The following TTC28 variants were observed in gnomAD, a reference collection of about 807,000 sequenced individuals.
TTC28 encodes the protein tetratricopeptide repeat domain 28.
Under a neutral mutation model 198.0 loss-of-function variants are expected in TTC28, and 61 were observed. That is an observed-to-expected ratio of 0.31 (90% CI 0.25 to 0.38). The LOEUF (loss-of-function observed/expected upper bound fraction) is 0.38. Ranked by LOEUF, TTC28 falls within the 10% of genes least tolerant of loss-of-function variation. The pLI, the probability that TTC28 is intolerant of heterozygous loss-of-function variation, is 1.00. For missense variants in TTC28, 2,678 were observed against 3,164.0 expected, an observed-to-expected ratio of 0.85 and a Z score of 3.69; for synonymous variants, 1,171 against 1,297.8, an observed-to-expected ratio of 0.90 and a Z score of 2.10.
chr22:28,484,729 CA>C (rs750196490), intron 2 of TTC28, among the ~76,000 whole-genome samples: 3 of 152,128 alleles, frequency 2.0e-5, no homozygotes, highest in Non-Finnish European at 4.4e-5. Flanking sequence ...CCTAGAATGA[CA>C]AAACTACACA....
At chr22:28,011,181 T>A (rs1003656113) in intron 14 of TTC28, among the ~76,000 whole-genome samples, 1 of 152,216 alleles carries the variant, frequency 6.6e-6, no homozygotes. Flanking sequence ...ATCTGTAGAT[T>A]ATTTATAATC....
chr22:28,506,569 C>T (rs938449709), intron 2 of TTC28, among the ~76,000 whole-genome samples: 2 of 152,250 alleles, frequency 1.3e-5, no homozygotes, highest in East Asian at 1.9e-4. Context: ...AGCCAGACTG[C>T]TTCTTTAAGC....
chr22:28,447,265 G>A (rs1428105839), intron 2 of TTC28, among the ~76,000 whole-genome samples: 4 of 152,102 alleles, frequency 2.6e-5, no homozygotes, highest in African/African-American at 9.7e-5. Flanking sequence ...AGGGAATTGT[G>A]AGGATTGTAA....
intron 1 of TTC28, among the ~76,000 whole-genome samples, chr22:28,641,562 G>C (rs191013964): frequency 6.6e-6 from 1 of 152,236 alleles, no homozygotes; most frequent in East Asian, 1.9e-4. Context: ...TTGAGAGCGA[G>C]GAAAATGTTC....
chr22:28,193,313 T>A (rs1223314778), intron 5 of TTC28, among the ~76,000 whole-genome samples: 3 of 152,068 alleles, frequency 2.0e-5, no homozygotes, highest in Non-Finnish European at 4.4e-5. Flanking sequence ...GAACAACCGG[T>A]ACCAACCACT....
intron 12 of TTC28, among the ~76,000 whole-genome samples, chr22:28,066,988 C>T (rs1291518853): frequency 6.6e-6 from 1 of 152,098 alleles, no homozygotes; most frequent in Non-Finnish European, 1.5e-5. Context: ...CTCCAGGAAG[C>T]CTCTCCTGAC....
At chr22:28,394,289 T>C (rs1569302580) in intron 2 of TTC28, among the ~76,000 whole-genome samples, 1 of 152,214 alleles carries the variant, frequency 6.6e-6, no homozygotes, top group Non-Finnish European at 1.5e-5. Flanking sequence ...AGTATCATGT[T>C]TTATTAAATA....
chr22:28,452,559 T>G (rs987267869), intron 2 of TTC28, among the ~76,000 whole-genome samples: 25 of 152,102 alleles, frequency 1.6e-4, no homozygotes, highest in African/African-American at 6.0e-4. Context: ...GGCCCTCTAA[T>G]AACTTGTTGC....
chr22:28,593,524 G>T (rs772381457), intron 2 of TTC28, among the ~76,000 whole-genome samples: 22 of 151,952 alleles, frequency 1.4e-4, no homozygotes, highest in Non-Finnish European at 2.5e-4. Flanking sequence ...TAAGTAGGTG[G>T]ATCGATCAAT....
At position 28,297,830 on chromosome 22, in the gene TTC28, C is replaced by T. The variant is rs1418395688; in HGVS notation, c.552G>A (p.Gln184=). The T allele has an allele frequency of 6.4e-7, 1 of 1,551,354 alleles. No homozygotes were observed. The highest frequency in any genetic ancestry group is 1.4e-5 in the African/African-American group (1 of 73,014). ...PMRDSLEPTY[Q]QLQKMKLDKS... ...TGTCCAGTTTCATTTTCTGAAGCTGCTGATAAGTGGGCTCGAGGGAGTCTG... is the reference window on the plus strand; with the variant it reads ...TGTCCAGTTTCATTTTCTGAAGCTGTTGATAAGTGGGCTCGAGGGAGTCTG... Residue 184 remains glutamine (Q), a synonymous_variant, in exon 4 of 23, where the codon CAG becomes CAA. Coordinates refer to ENST00000397906, the MANE Select transcript of TTC28 (RefSeq NM_001145418.2).
At chr22:27,984,902 TC>T (rs1167413449) in intron 22 of TTC28, among the ~76,000 whole-genome samples, 1 of 152,094 alleles carries the variant, frequency 6.6e-6, no homozygotes, top group Non-Finnish European at 1.5e-5. Context: ...GGCCTGGAAA[TC>T]TCCCAGGCCC....
intron 2 of TTC28, among the ~76,000 whole-genome samples, chr22:28,364,313 C>G (rs2046209226): frequency 6.6e-6 from 1 of 152,188 alleles, no homozygotes; most frequent in Non-Finnish European, 1.5e-5. Context: ...ACTTGCTCCT[C>G]CTTGCCTTCC....
intron 6 of TTC28, among the ~76,000 whole-genome samples, chr22:28,110,156 G>A (rs1247246754): frequency 6.6e-6 from 1 of 152,134 alleles, no homozygotes; most frequent in Non-Finnish European, 1.5e-5. Flanking sequence ...CAGGAGCTGG[G>A]GCTGCAGTGC....
At chr22:28,601,413 G>GA (rs34502242) in intron 2 of TTC28, among the ~76,000 whole-genome samples, 1 of 151,464 alleles carries the variant, frequency 6.6e-6, no homozygotes, top group Non-Finnish European at 1.5e-5. Context: ...AAACCTTTTT[G>GA]AAAAAAAATT....
chr22:28,021,244 C>G (rs1336839645), intron 13 of TTC28, among the ~76,000 whole-genome samples: 1 of 152,158 alleles, frequency 6.6e-6, no homozygotes, highest in Non-Finnish European at 1.5e-5. Flanking sequence ...TAGGGCTGAC[C>G]AGATGGCTGG....
Position 28,416,154 on chromosome 22 carries a change from G to C in TTC28, c.382-109511C>G, listed in dbSNP as rs1350101395. Among the ~76,000 whole-genome samples the C allele has an allele frequency of 2.0e-5, 3 of 152,128 alleles. No individual in the cohort carries two copies. The East Asian group carries it at 5.8e-4, about 29-fold the overall frequency. ...ACTGAACTCTAAAAAACACATTGGA[G>C]AAGCCAATCTCATGGTTACAAGAAG... On this transcript the variant is annotated intron_variant, in intron 2 of 22. Coordinates refer to ENST00000397906, the MANE Select transcript of TTC28 (RefSeq NM_001145418.2).
chr22:28,497,995 G>A (rs1300521931), intron 2 of TTC28, among the ~76,000 whole-genome samples: 1 of 152,164 alleles, frequency 6.6e-6, no homozygotes, highest in Non-Finnish European at 1.5e-5. Flanking sequence ...AGTGGGGGCT[G>A]AGTAACTGGG....
chr22:28,046,615 C>T (rs190276340), intron 12 of TTC28, among the ~76,000 whole-genome samples: 56 of 152,296 alleles, frequency 3.7e-4, no homozygotes, highest in Admixed American at 2.9e-3. Flanking sequence ...TCTCCTCCCA[C>T]AAAGTGAGCA....
At chr22:28,608,821 G>A (rs2050774779) in intron 2 of TTC28, among the ~76,000 whole-genome samples, 2 of 152,174 alleles carry the variant, frequency 1.3e-5, no homozygotes, top group Non-Finnish European at 2.9e-5. Flanking sequence ...TACGCTACCT[G>A]AGCAGACTTC....
Sources: allele counts gnomAD v4.1 joint callset (sites outside exome capture counted in the v4.1 genomes callset), GRCh38; gene constraint gnomAD v4.1.1; transcripts MANE v1.5; gene names NCBI Gene and HGNC (gene_info 2026-07-23, HGNC 2026-07-21).